GCDH: variants seen among roughly 807,000 people sequenced by gnomAD.
GCDH encodes the protein glutaryl-CoA dehydrogenase.
GCDH carries 31 observed loss-of-function variants against 52.8 expected under a neutral mutation model. The observed-to-expected ratio is 0.59, with a 90% CI of 0.44 to 0.79. The LOEUF is 0.79. GCDH is among the 30% of genes least tolerant of loss of function. GCDH has a pLI of 0.00. For synonymous variants in GCDH, 242 were observed against 250.0 expected (o/e 0.97, Z 0.30); for missense variants, 509 against 595.0 (o/e 0.86, Z 1.50).
At position 12,897,549 on chromosome 19, in the gene GCDH, C is replaced by T. The variant is rs974844364; in HGVS notation, c.1082+121C>T. ...TGGGGACCTGAACCTTCTGCTGTCC[C>T]TCTTGTCCTTGATGGGCTGGGCTGA... is the stretch of plus-strand genomic sequence containing the variant. On this transcript the variant is annotated intron_variant, in intron 10 of 11. Coordinates refer to ENST00000222214, the MANE Select transcript of GCDH (RefSeq NM_000159.4). 41 of 1,444,804 alleles carry T rather than the reference C, an allele frequency of 2.8e-5. No homozygotes were observed. In the East Asian group the frequency reaches 9.1e-4, roughly 32 times the overall value. 89.5% of individuals were successfully genotyped at this position (1,444,804 alleles called of 1,614,324 possible).
rs376334735 is a variant in GCDH, at chr19:12,899,726, A to G, written c.*185A>G. On this transcript the variant is annotated 3_prime_UTR_variant, in exon 12 of 12. Transcript: ENST00000222214. The stretch of plus-strand genomic sequence containing the variant: ...CGTTCAGATGTGTTCCTTAAAAAGA[A>G]GATGGAATTCTCTGTAGAGCGTCTC... The G allele has an allele frequency of 1.9e-6, 3 of 1,612,308 alleles. No homozygotes were observed. The highest frequency in any genetic ancestry group is 2.5e-6 in the Non-Finnish European group (3 of 1,179,266).
At chr19:12,899,174 GACTTGCT>G in intron 11 of GCDH, 1 of 649,766 alleles carries the variant, frequency 1.5e-6, no homozygotes. Flanking sequence ...GCAGGGGCTG[GACTTGCT>G]ACATTTTGGG....
rs1970726896 is a variant in GCDH at position 12,897,969 on chromosome 19, G to A, written c.1243+106G>A. 4.3e-6 allele frequency: 4 copies of A among 936,122 alleles called. No individual in the cohort carries two copies. The Admixed American group carries it at 5.9e-5, about 14-fold the overall frequency. 58.0% of individuals were successfully genotyped at this position (936,122 alleles called of 1,614,324 possible). ...TGAGTCCAACTCCACCTATCACTAA[G>A]TGACAGTGTGACCTGGGGCGAGCCT... On this transcript the variant is annotated intron_variant, in intron 11 of 11. Transcript: ENST00000222214.
rs2145938892 is a variant in GCDH, at chr19:12,891,515, G to A, written c.120G>A (p.Leu40=). 1.2e-6 allele frequency: 2 copies of A among 1,614,254 alleles called. No homozygotes were observed. The highest frequency in any genetic ancestry group is 8.5e-7 in the Non-Finnish European group (1 of 1,180,042). Residue 40 remains leucine, a synonymous_variant, in exon 3 of 12, where the codon CTG becomes CTA. Transcript: ENST00000222214. The part of the protein sequence containing the change: ...TEKGGRTQSQ[L]AKSSRPEFDW... ...AAGGCGGGAGAACACAGAGCCAACT[G>A]GCTAAGTGTAAGGACCTCTGGTCGC...
intron 10 of GCDH, 22 bp downstream of exon 10, chr19:12,897,450 C>CG: frequency 7.9e-7 from 1 of 1,271,876 alleles, no homozygotes; most frequent in Non-Finnish European, 1.1e-6. Context: ...GTGGTGGGGG[C>CG]GGGGGGATGG....
chr19:12,899,728 A>G lies in GCDH; in HGVS notation c.*187A>G, dbSNP rs772188818. ...TTCAGATGTGTTCCTTAAAAAGAAG[A>G]TGGAATTCTCTGTAGAGCGTCTCAA... On this transcript the variant is annotated 3_prime_UTR_variant, in exon 12 of 12. Coordinates refer to ENST00000222214, the MANE Select transcript of GCDH (RefSeq NM_000159.4). 9.3e-6 allele frequency: 15 copies of G among 1,612,134 alleles called. No homozygotes were observed. The highest frequency in any genetic ancestry group is 1.7e-5 in the Admixed American group (1 of 59,972).
rs1382282082 is a variant in GCDH, at chr19:12,899,709, T to C, written c.*168T>C. On this transcript the variant is annotated 3_prime_UTR_variant, in exon 12 of 12. Transcript: ENST00000222214. ...AATTTCCCTTCTGAAGTCGTTCAGA[T>C]GTGTTCCTTAAAAAGAAGATGGAAT... is the stretch of plus-strand genomic sequence containing the variant. 1 of 1,611,994 alleles carries C rather than the reference T, an allele frequency of 6.2e-7. No homozygotes were observed.
At chr19:12,899,395 C>A in intron 11 of GCDH, 73 bp from the exon 12 acceptor site, 1 of 1,614,074 alleles carries the variant, frequency 6.2e-7, no homozygotes, top group Non-Finnish European at 8.5e-7. Context: ...CCTGGGGATA[C>A]ATGAAAATTG....
At chr19:12,892,434 G>A (rs965316244) in intron 5 of GCDH, 2 of 571,690 alleles carry the variant, frequency 3.5e-6, no homozygotes, top group East Asian at 3.0e-5. Context: ...TGGGATTACA[G>A]GTATGTGCCA....
Position 12,896,566 on chromosome 19 carries a change from C to A in GCDH, c.852+145C>A. 1 of 741,168 alleles carries A rather than the reference C, an allele frequency of 1.3e-6. No individual in the cohort carries two copies. The highest frequency in any genetic ancestry group is 2.3e-6 in the Non-Finnish European group (1 of 427,618). 45.9% of individuals were successfully genotyped at this position (741,168 alleles called of 1,614,324 possible). Reference sequence around the variant, plus strand: ...TTACTCAGCCGGACTCGCTGACGTGCTGAAAACTGCCCCCATTTGGTGACC... The same window carrying A: ...TTACTCAGCCGGACTCGCTGACGTGATGAAAACTGCCCCCATTTGGTGACC... On this transcript the variant is annotated intron_variant, in intron 8 of 11. Transcript: ENST00000222214. This position sits in a 1 kb window ranked among gnomAD's most constrained non-coding sequence, Gnocchi z 5.5.
rs1864390545 is a variant in GCDH, at chr19:12,896,937, C to T, written c.880C>T (p.Arg294Trp). Residue 294 changes from arginine to tryptophan, a missense_variant, in exon 9 of 12, where the codon CGG becomes TGG. Coordinates refer to ENST00000222214, the MANE Select transcript of GCDH (RefSeq NM_000159.4). The surrounding 1 kb of genome is among the most constrained non-coding windows in gnomAD (Gnocchi z 5.5). ...TCCCTTCGGCTGCCTGAACAACGCC[C>T]GGTACGGCATCGCGTGGGGCGTGCT... is the stretch of plus-strand genomic sequence containing the variant. ...GGPFGCLNNA[R>W]YGIAWGVLGA... The T allele has an allele frequency of 2.5e-6, 4 of 1,613,182 alleles. No homozygotes were observed. The highest frequency in any genetic ancestry group is 1.3e-5 in the African/African-American group (1 of 74,934).
intron 6 of GCDH, among the ~76,000 whole-genome samples, chr19:12,895,596 C>T (rs901737041): frequency 1.3e-5 from 2 of 151,492 alleles, no homozygotes; most frequent in African/African-American, 4.9e-5. Flanking sequence ...TGGGGTTTCA[C>T]CATATTGGTC....
At chr19:12,895,301 C>T (rs1161203164) in intron 6 of GCDH, among the ~76,000 whole-genome samples, 2 of 152,100 alleles carry the variant, frequency 1.3e-5, no homozygotes, top group African/African-American at 2.4e-5. Flanking sequence ...GCTCCGTCCC[C>T]CAGGCTGAAG....
Position 12,899,993 on chromosome 19 carries a change from C to T in GCDH, c.*452C>T. 3.1e-6 allele frequency: 5 copies of T among 1,612,600 alleles called. No individual in the cohort carries two copies. The highest frequency in any genetic ancestry group is 3.4e-6 in the Non-Finnish European group (4 of 1,179,690). The stretch of plus-strand genomic sequence containing the variant: ...GACCCCAAGGTGTCAGGCCGGTTTA[C>T]TGGTAACCACCTGAGAAGTAGTTTC... On this transcript the variant is annotated 3_prime_UTR_variant, in exon 12 of 12. Transcript: ENST00000222214.
chr19:12,899,455 T>C lies in GCDH; in HGVS notation c.1244-13T>C, dbSNP rs1182679462. 7.4e-6 allele frequency: 12 copies of C among 1,614,068 alleles called. No individual in the cohort carries two copies. Among genetic ancestry groups the C allele is most frequent in the Non-Finnish European group, 1.0e-5 (12 of 1,180,022 alleles). On this transcript the variant is annotated splice_polypyrimidine_tract_variant and intron_variant, in intron 11 of 11. Transcript: ENST00000222214. ...TGAAAACTCCAAACCGACTCTGTAT[T>C]AATCTTGTCCAGGTACACATGACAT... is the stretch of plus-strand genomic sequence containing the variant.
intron 6 of GCDH, 91 bp from the exon 7 acceptor site, chr19:12,895,901 T>G: frequency 6.7e-7 from 1 of 1,501,216 alleles, no homozygotes; most frequent in Non-Finnish European, 9.2e-7. Flanking sequence ...ATGACAGGCG[T>G]GAGCCACTGC....
intron 11 of GCDH, 54 bp from the exon 12 acceptor site, chr19:12,899,413 AG>A (rs1970779094): frequency 2.5e-6 from 4 of 1,614,134 alleles, no homozygotes; most frequent in Non-Finnish European, 2.5e-6. Context: ...TTGATTTTAA[AG>A]GGAAGTTGTG....
In GCDH at chr19:12,891,719, C is replaced by T. The variant is rs1970560724; in HGVS notation, c.128-112C>T. 5 of 1,606,032 alleles carry T rather than the reference C, an allele frequency of 3.1e-6. No homozygotes were observed. The South Asian group carries it at 4.4e-5, about 14-fold the overall frequency. ...GTCACCTGATCAGTCTCGCTTGCAG[C>T]TCGCACTAGCCGGGGGGCGACATGG... On this transcript the variant is annotated intron_variant, in intron 3 of 11. Coordinates refer to ENST00000222214, the MANE Select transcript of GCDH (RefSeq NM_000159.4).
At chr19:12,899,059 T>C in intron 11 of GCDH, 1 of 480,194 alleles carries the variant, frequency 2.1e-6, no homozygotes, top group Non-Finnish European at 3.8e-6. Flanking sequence ...TCAGCCTCTG[T>C]GGCAAGGAAG....
Sources: allele counts gnomAD v4.1 joint callset (sites outside exome capture counted in the v4.1 genomes callset), GRCh38; gene constraint gnomAD v4.1.1; non-coding constraint Gnocchi (gnomAD v3.1); transcripts MANE v1.5; gene names NCBI Gene and HGNC (gene_info 2026-07-23, HGNC 2026-07-21).